Variants in TTC38 observed in about 807,000 individuals in gnomAD.
The protein encoded by TTC38 is tetratricopeptide repeat protein 38.
A neutral mutation model predicts 64.2 loss-of-function variants in TTC38; 64 were observed. The observed-to-expected ratio is 1.00, with a 90% confidence interval of 0.81 to 1.23. The LOEUF (loss-of-function observed/expected upper bound fraction) is 1.23, where lower values mean the gene tolerates loss of function less well. Ranked by LOEUF, TTC38 falls within the 50% of genes most tolerant of loss-of-function variation. The pLI, the probability that TTC38 is intolerant of heterozygous loss-of-function variation, is 0.00. For missense variants in TTC38, 573 were observed against 615.5 expected (o/e 0.93, Z 0.73); for synonymous variants, 254 against 249.3 (o/e 1.02, Z -0.18).
In TTC38 at chr22:46,273,486, T is replaced by C. The variant is rs1332475133; in HGVS notation, c.194-412T>C. ...GCATGTGTGAGCAGCACAGATGGGATCATGACTTCTGTGCTCCGGGGCCTC... is the reference window on the plus strand; with the variant it reads ...GCATGTGTGAGCAGCACAGATGGGACCATGACTTCTGTGCTCCGGGGCCTC... On this transcript the variant is annotated intron_variant, in intron 3 of 13. Coordinates refer to ENST00000381031, the MANE Select transcript of TTC38 (RefSeq NM_017931.4). The surrounding 1 kb of genome is among the most constrained non-coding windows in gnomAD (Gnocchi z 5.1). 6.6e-6 allele frequency among the ~76,000 whole-genome samples: 1 copy of C among 152,206 alleles called. No homozygotes were observed. Among genetic ancestry groups the C allele is most frequent in the Non-Finnish European group, 1.5e-5 (1 of 68,032 alleles).
At chr22:46,289,151 T>C (rs936494217) in intron 11 of TTC38, among the ~76,000 whole-genome samples, 2 of 152,196 alleles carry the variant, frequency 1.3e-5, no homozygotes. Flanking sequence ...TTATGCCTGC[T>C]TACAGATGAG....
chr22:46,282,456 G>A lies in TTC38; in HGVS notation c.735+738G>A, dbSNP rs1028580377. On this transcript the variant is annotated intron_variant, in intron 7 of 13. Coordinates refer to ENST00000381031, the MANE Select transcript of TTC38 (RefSeq NM_017931.4). The surrounding 1 kb of genome is among the most constrained non-coding windows in gnomAD (Gnocchi z 4.4). ...GGGGCTGCATCAGGTGAGCCTATTG[G>A]GCTCAAGGGAGATGGGGCCTCCCCT... Among the ~76,000 whole-genome samples, 3 of 152,222 alleles carry A rather than the reference G, an allele frequency of 2.0e-5. No homozygotes were observed. The highest frequency in any genetic ancestry group is 7.2e-5 in the African/African-American group (3 of 41,452).
rs1336790211 is a variant in TTC38, at chr22:46,282,187, C to T, written c.735+469C>T. On this transcript the variant is annotated intron_variant, in intron 7 of 13. Coordinates refer to ENST00000381031, the MANE Select transcript of TTC38 (RefSeq NM_017931.4). The surrounding 1 kb of genome is among the most constrained non-coding windows in gnomAD (Gnocchi z 4.4). ...CACAGAGGGGGAAGATGGAGGGCAT[C>T]CTAGCCCGTCACTAGCTTGAGCAAG... The T allele has an allele frequency of 3.0e-6, 1 of 336,392 alleles. No individual in the cohort carries two copies. The highest frequency in any genetic ancestry group is 6.0e-6 in the Non-Finnish European group (1 of 166,898). The allele number at this position is 336,392 out of a possible 1,614,324, so 20.8% of individuals were successfully genotyped here.
intron 5 of TTC38, among the ~76,000 whole-genome samples, chr22:46,277,376 G>A (rs1212574984): frequency 2.0e-5 from 3 of 152,100 alleles, no homozygotes; most frequent in Non-Finnish European, 2.9e-5. Flanking sequence ...AGGCCGAGGC[G>A]GGTGGATCAC....
chr22:46,272,350 A>C lies in TTC38; in HGVS notation c.127A>C (p.Asn43His). The change falls in exon 3 of 14, where the codon AAT (asparagine) becomes CAT (histidine). Residue 43 changes from asparagine to histidine, a missense_variant. Physicochemically the swap from Asn to His is moderately conservative, Grantham distance 68. Transcript: ENST00000381031. The surrounding 1 kb of genome is among the most constrained non-coding windows in gnomAD (Gnocchi z 6.4). The stretch of plus-strand genomic sequence containing the variant: ...CCCATTTCAGTATGTAAAATGGACC[A>C]ATGACAAGAGTCTCGGTGGCATCGA... ...ATLTQYVKWTNDKSLGGIEGC... is the reference protein window; with the variant it reads ...ATLTQYVKWTHDKSLGGIEGC... The C allele has an allele frequency of 6.2e-7, 1 of 1,613,264 alleles. No individual in the cohort carries two copies. The highest frequency in any genetic ancestry group is 8.5e-7 in the Non-Finnish European group (1 of 1,179,782).
At position 46,281,492 on chromosome 22, in the gene TTC38, C is replaced by A; in HGVS notation, c.616-107C>A. 1 of 1,351,644 alleles carries A rather than the reference C, an allele frequency of 7.4e-7. No individual in the cohort carries two copies. The allele number at this position is 1,351,644 out of a possible 1,614,324, so 83.7% of individuals were successfully genotyped here. A position where few individuals can be genotyped will look rare whatever the true frequency, so the allele number is the denominator to read the frequency against. On this transcript the variant is annotated intron_variant, in intron 6 of 13. Coordinates refer to ENST00000381031, the MANE Select transcript of TTC38 (RefSeq NM_017931.4). The surrounding 1 kb of genome is among the most constrained non-coding windows in gnomAD (Gnocchi z 5.2). ...AGCCCCGCCCCCCCACTTGCTCCAC[C>A]CCGTTCAGCCCAGGCCCCTCTTGCC...
At position 46,281,318 on chromosome 22, in the gene TTC38, T is replaced by C. The variant is rs1165319256; in HGVS notation, c.616-281T>C. 6.6e-6 allele frequency among the ~76,000 whole-genome samples: 1 copy of C among 152,212 alleles called. No individual in the cohort carries two copies. Among genetic ancestry groups the C allele is most frequent in the Non-Finnish European group, 1.5e-5 (1 of 68,040 alleles). ...TGGGCTTGGGTCTGAGCCCTGGCTTTAGAAAGATCCTGCTGCTGTCCAGCT... is the reference window on the plus strand; with the variant it reads ...TGGGCTTGGGTCTGAGCCCTGGCTTCAGAAAGATCCTGCTGCTGTCCAGCT... On this transcript the variant is annotated intron_variant, in intron 6 of 13. Transcript: ENST00000381031. This position sits in a 1 kb window ranked among gnomAD's most constrained non-coding sequence, Gnocchi z 5.2.
chr22:46,280,899 C>T (rs929896433), intron 6 of TTC38, among the ~76,000 whole-genome samples: 2 of 152,244 alleles, frequency 1.3e-5, no homozygotes, highest in South Asian at 2.1e-4. Context: ...TTTCTAAGCT[C>T]TGACTGTGGC....
chr22:46,284,247 C>A (rs2077555898), intron 8 of TTC38, among the ~76,000 whole-genome samples: 1 of 152,168 alleles, frequency 6.6e-6, no homozygotes, highest in South Asian at 2.1e-4. Flanking sequence ...TTGCAGAGAC[C>A]ATTCAGAGCG....
At chr22:46,279,416 C>A (rs1478567973) in intron 6 of TTC38, among the ~76,000 whole-genome samples, 3 of 152,208 alleles carry the variant, frequency 2.0e-5, no homozygotes, top group Non-Finnish European at 4.4e-5. Flanking sequence ...CCTTGTTGCC[C>A]AGATGAGGGG....
Position 46,273,951 on chromosome 22 carries a change from G to C in TTC38, c.247G>C (p.Val83Leu). The C allele has an allele frequency of 6.2e-7, 1 of 1,614,226 alleles. No individual in the cohort carries two copies. Among genetic ancestry groups the C allele is most frequent in the African/African-American group, 1.3e-5 (1 of 75,076 alleles). Residue 83 changes from valine to leucine, a missense_variant, in exon 4 of 14, where the codon GTG becomes CTG. By Grantham distance (32) the Val-to-Leu change is conservative. Around this residue, in one of 3 missense-constraint regions of TTC38, gnomAD observed 134 missense variants for 126.5 expected, o/e 1.06. Coordinates refer to ENST00000381031, the MANE Select transcript of TTC38 (RefSeq NM_017931.4). This position sits in a 1 kb window ranked among gnomAD's most constrained non-coding sequence, Gnocchi z 5.1. ...TGTGCTGATTGGCACTGGAAGCTCC[G>C]TGAAGCTGGACAAAGAGCTGGACCT... ...GLVLIGTGSS[V>L]KLDKELDLAV...
Position 46,289,911 on chromosome 22 carries a change from G to A in TTC38, c.1316+12G>A. 2 of 1,613,500 alleles carry A rather than the reference G, an allele frequency of 1.2e-6. No individual in the cohort carries two copies. The highest frequency in any genetic ancestry group is 1.7e-6 in the Non-Finnish European group (2 of 1,179,540). On this transcript the variant is annotated intron_variant, in intron 13 of 13. Coordinates refer to ENST00000381031, the MANE Select transcript of TTC38 (RefSeq NM_017931.4). Reference sequence around the variant, plus strand: ...AAGAACGTAGCCCGGTGAGCTCCTGGCCCCTGCCCAGCACTCCCGACCTTC... The same window carrying A: ...AAGAACGTAGCCCGGTGAGCTCCTGACCCCTGCCCAGCACTCCCGACCTTC...
intron 6 of TTC38, among the ~76,000 whole-genome samples, chr22:46,280,832 G>A (rs1365925343): frequency 3.3e-5 from 5 of 152,238 alleles, no homozygotes; most frequent in African/African-American, 1.2e-4. Context: ...TTGGCATGGG[G>A]GACCTGGGCA....
rs779619409 is a variant in TTC38 at position 46,288,491 on chromosome 22, C to T, written c.985C>T (p.Leu329=). Residue 329 remains leucine (L), a synonymous_variant, in exon 11 of 14, where the codon CTG becomes TTG. Coordinates refer to ENST00000381031, the MANE Select transcript of TTC38 (RefSeq NM_017931.4). The part of the protein sequence containing the change: ...VARKHSRDHI[L]LFNDAHFLMA... ...CCGGAAGCACAGCCGAGACCACATC[C>T]TGCTGTTCAATGACGCACACTTCCT... 7 of 1,614,080 alleles carry T rather than the reference C, an allele frequency of 4.3e-6. No individual in the cohort carries two copies. In the South Asian group the frequency reaches 5.5e-5, roughly 13 times the overall value.
At chr22:46,279,221 C>T (rs367905189) in intron 6 of TTC38, among the ~76,000 whole-genome samples, 4 of 152,126 alleles carry the variant, frequency 2.6e-5, no homozygotes, top group Non-Finnish European at 2.9e-5. Flanking sequence ...AGGCCTGGGG[C>T]GCGAATGGTC....
chr22:46,275,246 A>G lies in TTC38; in HGVS notation c.366-2A>G. ...TGGTGAGAAATCTTTCTCGGTTTCC[A>G]GGAACTTTCCGAAAGCCTGTGAACT... On this transcript the variant is annotated splice_acceptor_variant, in intron 4 of 13. Coordinates refer to ENST00000381031, the MANE Select transcript of TTC38 (RefSeq NM_017931.4). LOFTEE classifies it high-confidence loss of function. This position sits in a 1 kb window ranked among gnomAD's most constrained non-coding sequence, Gnocchi z 4.5. 2 of 1,612,722 alleles carry G rather than the reference A, an allele frequency of 1.2e-6. No homozygotes were observed. The highest frequency in any genetic ancestry group is 1.3e-5 in the African/African-American group (1 of 74,938).
Position 46,271,814 on chromosome 22 carries a change from AC to A in TTC38, c.112-519del, listed in dbSNP as rs1440471028. Reference sequence around the variant, plus strand: ...GCGTGAGCCATCGCGCCCAGCCAGAACCTGCCTTTTGATGTTTCTTTTTTGG... The same window carrying A: ...GCGTGAGCCATCGCGCCCAGCCAGAACTGCCTTTTGATGTTTCTTTTTTGG... On this transcript the variant is annotated intron_variant, in intron 2 of 13. Transcript: ENST00000381031. This position sits in a 1 kb window ranked among gnomAD's most constrained non-coding sequence, Gnocchi z 5.5. 7.2e-5 allele frequency among the ~76,000 whole-genome samples: 11 copies of A among 152,122 alleles called. No individual in the cohort carries two copies. Among genetic ancestry groups the A allele is most frequent in the Middle Eastern group, 3.2e-3 (1 of 316 alleles).
rs932714061 is a variant in TTC38 at position 46,272,441 on chromosome 22, A to T, written c.193+25A>T. On this transcript the variant is annotated intron_variant, in intron 3 of 13. Transcript: ENST00000381031. The surrounding 1 kb of genome is among the most constrained non-coding windows in gnomAD (Gnocchi z 6.4). Reference sequence around the variant, plus strand: ...GGTGAGTAACGCCTTCCCTGGGTGGAGGAGCCCCGCTTCACACATCCAGCC... The same window carrying T: ...GGTGAGTAACGCCTTCCCTGGGTGGTGGAGCCCCGCTTCACACATCCAGCC... 5 of 1,584,958 alleles carry T rather than the reference A, an allele frequency of 3.2e-6. No individual in the cohort carries two copies. In the African/African-American group the frequency reaches 5.4e-5, roughly 17 times the overall value.
chr22:46,287,727 C>A (rs2077581904), intron 10 of TTC38, among the ~76,000 whole-genome samples: 1 of 152,200 alleles, frequency 6.6e-6, no homozygotes, highest in Non-Finnish European at 1.5e-5. Context: ...CCTGGGTCAG[C>A]AGTACGATGA....
Sources: gnomAD v4.1 joint callset for allele counts (sites outside exome capture counted in the v4.1 genomes callset) on GRCh38, gnomAD v4.1.1 for gene constraint, gnomAD v4.1.1 regional missense constraint, Gnocchi (gnomAD v3.1) non-coding constraint, MANE v1.5 for transcripts, NCBI Gene and HGNC (gene_info 2026-07-23, HGNC 2026-07-21) for gene names.